Variants in C6orf132 observed in about 807,000 individuals in gnomAD.
C6orf132 encodes uncharacterized protein C6orf132.
A neutral mutation model predicts 65.3 loss-of-function variants in C6orf132; 43 were observed. The observed-to-expected ratio is 0.66, with a 90% CI of 0.52 to 0.85. The LOEUF is 0.85. Among genes scored for constraint, C6orf132 ranks in the 40% least tolerant of loss-of-function variants. The probability of loss-of-function intolerance (pLI) is 0.00; values close to 1 mark genes in which losing one functional copy is unlikely to be tolerated. For missense variants in C6orf132, 1,488 were observed against 1,548.8 expected (o/e 0.96, Z 0.66); for synonymous variants, 631 against 654.1 (o/e 0.96, Z 0.54).
Position 42,104,532 on chromosome 6 carries a change from C to G in C6orf132, c.3380G>C (p.Arg1127Pro). The change falls in exon 4 of 5, where the codon CGG (arginine) becomes CCG (proline). Residue 1127 changes from arginine to proline, a missense_variant. Transcript: ENST00000341865. This position sits in a 1 kb window ranked among gnomAD's most constrained non-coding sequence, Gnocchi z 4.1. ...APRLSLEGAA[R>P]GAAEAKHKAP... ...TTTGTGCTTGGCCTCCGCGGCGCCC[C>G]GGGCGGCGCCCTCCAGGGACAGCCT... 1 of 1,234,752 alleles carries G rather than the reference C, an allele frequency of 8.1e-7. No individual in the cohort carries two copies. Among genetic ancestry groups the G allele is most frequent in the Non-Finnish European group, 1.0e-6 (1 of 990,146 alleles). The allele number at this position is 1,234,752 out of a possible 1,614,324, so 76.5% of individuals were successfully genotyped here. A position where few individuals can be genotyped will look rare whatever the true frequency, so the allele number is the denominator to read the frequency against.
chr6:42,124,857 C>T lies in C6orf132; in HGVS notation c.252+3815G>A. ...AAGCCGCCAGCCGGATTCCCCTCCA[C>T]CCGGGAGCAAGCGACGAACGACATG... On this transcript the variant is annotated intron_variant, in intron 2 of 4. Coordinates refer to ENST00000341865, the MANE Select transcript of C6orf132 (RefSeq NM_001164446.3). This position sits in a 1 kb window ranked among gnomAD's most constrained non-coding sequence, Gnocchi z 4.0. 6.6e-6 allele frequency among the ~76,000 whole-genome samples: 1 copy of T among 152,228 alleles called. No individual in the cohort carries two copies. Among genetic ancestry groups the T allele is most frequent in the Non-Finnish European group, 1.5e-5 (1 of 68,036 alleles).
chr6:42,103,823 G>C lies in C6orf132; in HGVS notation c.3505C>G (p.Pro1169Ala), dbSNP rs1278731575. 1 of 1,491,856 alleles carries C rather than the reference G, an allele frequency of 6.7e-7. No homozygotes were observed. Among genetic ancestry groups the C allele is most frequent in the Admixed American group, 2.2e-5 (1 of 45,600 alleles). 92.4% of individuals were successfully genotyped at this position (1,491,856 alleles called of 1,614,324 possible). The part of the protein sequence containing the change: ...GSPINTFTVR[P>A]GTRHPISYVC... The stretch of plus-strand genomic sequence containing the variant: ...TAGGAGATGGGATGGCGGGTCCCAG[G>C]CCTCACGGTGAACGTGTTGATGGGG... The change falls in exon 5 of 5, where the codon CCT becomes GCT. Residue 1169 changes from proline (P) to alanine (A), a missense_variant. By Grantham distance (27) the Pro-to-Ala change is conservative. Transcript: ENST00000341865.
Position 42,107,531 on chromosome 6 carries a change from G to A in C6orf132, c.381C>T (p.Asp127=). 9.0e-6 allele frequency: 14 copies of A among 1,550,674 alleles called. No individual in the cohort carries two copies. The highest frequency in any genetic ancestry group is 3.6e-5 in the South Asian group (3 of 84,046). Residue 127 remains aspartate (D), a synonymous_variant, in exon 4 of 5, where the codon GAC becomes GAT. Transcript: ENST00000341865. ...GNLRLYSSVG[D]LRPGQYGQDL... ...CCTGGCCATATTGTCCAGGCCTCAGGTCACCCACAGAGCTGTACAGTCGGA... is the reference window on the plus strand; with the variant it reads ...CCTGGCCATATTGTCCAGGCCTCAGATCACCCACAGAGCTGTACAGTCGGA...
Position 42,103,765 on chromosome 6 carries a change from GA to G in C6orf132, c.3562del (p.Ser1188ProfsTer37). On this transcript the variant is annotated frameshift_variant, in exon 5 of 5. Coordinates refer to ENST00000341865, the MANE Select transcript of C6orf132 (RefSeq NM_001164446.3). LOFTEE classifies it high-confidence loss of function. ...VCSGAHRKAT[S>X] ...AGAGCTAAGAGAACCCCTGGCTCAGGAGGTGGCTTTCCGATGGGCCCCTGAG... is the reference window on the plus strand; with the variant it reads ...AGAGCTAAGAGAACCCCTGGCTCAGGGGTGGCTTTCCGATGGGCCCCTGAG... 1 of 1,414,632 alleles carries G rather than the reference GA, an allele frequency of 7.1e-7. No homozygotes were observed. Among genetic ancestry groups the G allele is most frequent in the Non-Finnish European group, 9.2e-7 (1 of 1,082,492 alleles). The allele number at this position is 1,414,632 out of a possible 1,614,324, so 87.6% of individuals were successfully genotyped here. A position where few individuals can be genotyped will look rare whatever the true frequency, so the allele number is the denominator to read the frequency against.
At chr6:42,117,682 G>A (rs1032071963) in intron 2 of C6orf132, among the ~76,000 whole-genome samples, 1 of 152,096 alleles carries the variant, frequency 6.6e-6, no homozygotes, top group African/African-American at 2.4e-5. Context: ...AGCACTTTGG[G>A]AGCCCAAGGT....
intron 2 of C6orf132, among the ~76,000 whole-genome samples, chr6:42,111,502 C>T (rs9381142): frequency 0.27 from 41,404 of 151,708 alleles, 6,740 homozygotes; most frequent in African/African-American, 0.46. Flanking sequence ...CAGGCTGGTC[C>T]TGAACTCCTG....
At chr6:42,119,178 G>A (rs1766636554) in intron 2 of C6orf132, among the ~76,000 whole-genome samples, 1 of 145,694 alleles carries the variant, frequency 6.9e-6, no homozygotes, top group Non-Finnish European at 1.5e-5. Flanking sequence ...GAACCCAGGG[G>A]GCAGAAGTTG....
At chr6:42,134,506 G>A (rs1163559677) in intron 1 of C6orf132, among the ~76,000 whole-genome samples, 1 of 152,040 alleles carries the variant, frequency 6.6e-6, no homozygotes, top group Non-Finnish European at 1.5e-5. Flanking sequence ...GGGCACAGTA[G>A]CTCACGCCTG....
At chr6:42,122,427 C>A (rs561908267) in intron 2 of C6orf132, among the ~76,000 whole-genome samples, 2 of 152,148 alleles carry the variant, frequency 1.3e-5, no homozygotes, top group African/African-American at 2.4e-5. Flanking sequence ...GACAAAGAGG[C>A]GGCTGTTTAT....
At chr6:42,142,187 T>C in intron 1 of C6orf132, 113 bp downstream of exon 1, 15 of 1,248,058 alleles carry the variant, frequency 1.2e-5, no homozygotes, top group Non-Finnish European at 1.6e-5. Flanking sequence ...TCTCGGCCAG[T>C]CCGCAGGTTC....
At position 42,101,488 on chromosome 6, in the gene C6orf132, G is replaced by C. The variant is rs1766280896; in HGVS notation, c.*2273C>G. ...GCAGTCTATCCATACTAAGCACAGT[G>C]GCTTGTATCCAGTAGTTACCCAAAT... On this transcript the variant is annotated 3_prime_UTR_variant, in exon 5 of 5. Transcript: ENST00000341865. The C allele has an allele frequency of 6.6e-6, 1 of 152,186 alleles. No individual in the cohort carries two copies. Among genetic ancestry groups the C allele is most frequent in the Non-Finnish European group, 1.5e-5 (1 of 68,044 alleles). 9.4% of individuals were successfully genotyped at this position (152,186 alleles called of 1,614,324 possible). A position where few individuals can be genotyped will look rare whatever the true frequency, so the allele number is the denominator to read the frequency against.
At chr6:42,117,379 C>T (rs989602925) in intron 2 of C6orf132, among the ~76,000 whole-genome samples, 12 of 152,100 alleles carry the variant, frequency 7.9e-5, no homozygotes, top group Admixed American at 3.3e-4. Flanking sequence ...CTAGTAAGTG[C>T]CAGGGCCAAT....
intron 2 of C6orf132, among the ~76,000 whole-genome samples, chr6:42,126,156 A>G (rs1766760772): frequency 6.6e-6 from 1 of 151,848 alleles, no homozygotes; most frequent in Non-Finnish European, 1.5e-5. Flanking sequence ...ATCTTGGCTC[A>G]CTGCAACCTC....
At chr6:42,133,644 A>G (rs1023946454) in intron 1 of C6orf132, among the ~76,000 whole-genome samples, 16 of 152,178 alleles carry the variant, frequency 1.1e-4, no homozygotes, top group African/African-American at 3.9e-4. Flanking sequence ...ACAAACTCAC[A>G]TGCAAATAAT....
rs997736703 is a variant in C6orf132, at chr6:42,105,398, C to T, written c.2514G>A (p.Pro838=). The T allele has an allele frequency of 2.0e-5, 30 of 1,535,500 alleles. No individual in the cohort carries two copies. The highest frequency in any genetic ancestry group is 1.6e-4 in the African/African-American group (12 of 73,026). Residue 838 remains proline (P), a synonymous_variant, in exon 4 of 5, where the codon CCG becomes CCA. Coordinates refer to ENST00000341865, the MANE Select transcript of C6orf132 (RefSeq NM_001164446.3). The stretch of plus-strand genomic sequence containing the variant: ...GCCTGGCCGCCAGGAGCAGGGCCAT[C>T]GGCGAGCCCCGCTCCACCACCTCCC... ...VTGEVVERGS[P]MALLLAARQR...
chr6:42,119,850 C>A (rs1766651172), intron 2 of C6orf132, among the ~76,000 whole-genome samples: 1 of 151,220 alleles, frequency 6.6e-6, no homozygotes, highest in Non-Finnish European at 1.5e-5. Flanking sequence ...AATCCCAGCA[C>A]TTTGGGAGGC....
chr6:42,115,908 T>C (rs112610212), intron 2 of C6orf132, among the ~76,000 whole-genome samples: 20,214 of 149,132 alleles, frequency 0.14, 1,714 homozygotes, highest in African/African-American at 0.23. Context: ...TTTCTTTTTT[T>C]TTTTTTCTTT....
chr6:42,103,694 A>C lies in C6orf132; in HGVS notation c.*67T>G. 1.9e-6 allele frequency: 2 copies of C among 1,078,662 alleles called. No individual in the cohort carries two copies. The allele number at this position is 1,078,662 out of a possible 1,614,324, so 66.8% of individuals were successfully genotyped here. ...ACCTGCTGTGTACCTCCCACCCCCC[A>C]CAAGAAACAAGTGCCCAGATCCTTA... On this transcript the variant is annotated 3_prime_UTR_variant, in exon 5 of 5. Transcript: ENST00000341865.
In C6orf132 at chr6:42,107,453, G is replaced by A; in HGVS notation, c.459C>T (p.Asp153=). The change falls in exon 4 of 5, where the codon GAC becomes GAT. Residue 153 remains aspartate, a synonymous_variant. Coordinates refer to ENST00000341865, the MANE Select transcript of C6orf132 (RefSeq NM_001164446.3). ...GCGACCCCCCTGGAGGTTCTGAAATGTCCTGAGGGGGCCCTGGGGCTGGGC... is the reference window on the plus strand; with the variant it reads ...GCGACCCCCCTGGAGGTTCTGAAATATCCTGAGGGGGCCCTGGGGCTGGGC... ...PPGPAPGPPQ[D]ISEPPGGSPL... is the part of the protein sequence containing the mutation. 1 of 1,537,432 alleles carries A rather than the reference G, an allele frequency of 6.5e-7. No homozygotes were observed.
Sources: gnomAD v4.1 joint callset for allele counts (sites outside exome capture counted in the v4.1 genomes callset) on GRCh38, gnomAD v4.1.1 for gene constraint, Gnocchi (gnomAD v3.1) non-coding constraint, MANE v1.5 for transcripts, NCBI Gene and HGNC (gene_info 2026-07-23, HGNC 2026-07-21) for gene names.